Variants in RIN3 observed in about 807,000 individuals in gnomAD.
RIN3 encodes Ras and Rab interactor 3.
RIN3 carries 54 observed loss-of-function variants against 76.3 expected under a neutral mutation model. That is an observed-to-expected ratio of 0.71 (90% CI 0.57 to 0.89). The LOEUF (loss-of-function observed/expected upper bound fraction) is 0.89. Among genes scored for constraint, RIN3 ranks in the 40% least tolerant of loss-of-function variants. The pLI, the probability that RIN3 is intolerant of heterozygous loss-of-function variation, is 0.00. For missense variants in RIN3, 1,256 were observed against 1,322.1 expected, an observed-to-expected ratio of 0.95 and a Z score of 0.78; for synonymous variants, 576 against 564.0, an observed-to-expected ratio of 1.02 and a Z score of -0.30.
chr14:92,683,699 G>C (rs1888745627), intron 8 of RIN3, among the ~76,000 whole-genome samples: 1 of 152,142 alleles, frequency 6.6e-6, no homozygotes, highest in South Asian at 2.1e-4. Context: ...TTGAGCCCAG[G>C]AGTTGGAGGC....
intron 1 of RIN3, among the ~76,000 whole-genome samples, chr14:92,529,765 C>T (rs1896835687): frequency 6.6e-6 from 1 of 152,060 alleles, no homozygotes; most frequent in Non-Finnish European, 1.5e-5. Flanking sequence ...GGATCCGAAG[C>T]GTAGTGTTCG....
intron 1 of RIN3, among the ~76,000 whole-genome samples, chr14:92,524,304 GTCTTGGGGTC>G (rs1338234022): frequency 3.3e-5 from 5 of 152,208 alleles, no homozygotes; most frequent in Non-Finnish European, 7.3e-5. Flanking sequence ...CGTTGAAACA[GTCTTGGGGTC>G]TCTTGGGCCG....
intron 1 of RIN3, among the ~76,000 whole-genome samples, chr14:92,535,777 C>A (rs966011567): frequency 2.7e-5 from 4 of 149,910 alleles, no homozygotes; most frequent in Non-Finnish European, 4.4e-5. Flanking sequence ...CGGGTTCAAG[C>A]GATTCTCCTG....
chr14:92,604,457 G>T (rs1023877148), intron 3 of RIN3, among the ~76,000 whole-genome samples: 3 of 152,136 alleles, frequency 2.0e-5, no homozygotes, highest in African/African-American at 7.2e-5. Flanking sequence ...TAAGGACCTG[G>T]GGTGAAAGCT....
At chr14:92,546,170 C>A (rs1474377313) in intron 1 of RIN3, among the ~76,000 whole-genome samples, 1 of 152,124 alleles carries the variant, frequency 6.6e-6, no homozygotes, top group Non-Finnish European at 1.5e-5. Flanking sequence ...AATGATCCAC[C>A]TACCTCGGCT....
chr14:92,539,887 TG>T (rs1897093416), intron 1 of RIN3, among the ~76,000 whole-genome samples: 1 of 152,100 alleles, frequency 6.6e-6, no homozygotes, highest in African/African-American at 2.4e-5. Context: ...CCACAGTGGC[TG>T]AGCGGGGGCC....
chr14:92,542,371 C>T (rs904544022), intron 1 of RIN3, among the ~76,000 whole-genome samples: 5 of 152,040 alleles, frequency 3.3e-5, no homozygotes, highest in African/African-American at 7.2e-5. Flanking sequence ...TGAGAAACTA[C>T]TTCACAACCA....
chr14:92,624,875 G>A (rs1886296576), intron 4 of RIN3, among the ~76,000 whole-genome samples: 2 of 152,308 alleles, frequency 1.3e-5, no homozygotes, highest in South Asian at 2.1e-4. Flanking sequence ...CGGGTGTGAT[G>A]GGTCCATCCT....
Position 92,540,768 on chromosome 14 carries a change from G to A in RIN3, c.45-14983G>A, listed in dbSNP as rs113755123. ...CAGGCTGTTCACTGGGGCAGGGCCA[G>A]CCTGGCTTGGAAGAGAAGCCTTCAG... On this transcript the variant is annotated intron_variant, in intron 1 of 9. Coordinates refer to ENST00000216487, the MANE Select transcript of RIN3 (RefSeq NM_024832.5). 8.2e-3 allele frequency among the ~76,000 whole-genome samples: 1,248 copies of A among 152,350 alleles called. 15 individuals carry two copies. Among genetic ancestry groups the A allele is most frequent in the African/African-American group, 0.028 (1,158 of 41,566 alleles).
chr14:92,626,531 T>C (rs1296072258), intron 4 of RIN3, among the ~76,000 whole-genome samples: 1 of 152,196 alleles, frequency 6.6e-6, no homozygotes, highest in Non-Finnish European at 1.5e-5. Context: ...TTGGAGCTGA[T>C]TCCTTAGAGG....
intron 3 of RIN3, among the ~76,000 whole-genome samples, chr14:92,614,799 T>TTATATA (rs144127255): frequency 2.2e-4 from 23 of 103,402 alleles, no homozygotes; most frequent in Middle Eastern, 4.3e-3. Context: ...TTAAACCTCT[T>TTATATA]TATATATATA....
At chr14:92,588,214 CTTTTTTTTTT>C (rs141155255) in intron 3 of RIN3, among the ~76,000 whole-genome samples, 1 of 58,760 alleles carries the variant, frequency 1.7e-5, no homozygotes, top group African/African-American at 7.0e-5. Context: ...CCATAGCACT[CTTTTTTTTTT>C]TTTTTTTTTT....
chr14:92,572,152 T>G (rs1325055903), intron 2 of RIN3, among the ~76,000 whole-genome samples: 1 of 152,178 alleles, frequency 6.6e-6, no homozygotes, highest in Non-Finnish European at 1.5e-5. Flanking sequence ...GCTTCCAGGG[T>G]CTTGTGTCCG....
rs57655977 is a variant in RIN3 at position 92,582,128 on chromosome 14, G to T, written c.367+4651G>T. ...GAGGCACAGATGGGCCTAGGAGAAG[G>T]TTCAGGAGCCTGACTAAAGTTTGGT... On this transcript the variant is annotated intron_variant, in intron 3 of 9. Transcript: ENST00000216487. 2.7e-4 allele frequency among the ~76,000 whole-genome samples: 41 copies of T among 152,284 alleles called. No individual in the cohort carries two copies. The East Asian group carries it at 7.7e-3, about 29-fold the overall frequency.
Position 92,514,074 on chromosome 14 carries a change from C to A in RIN3, c.44+98C>A. 1 of 886,416 alleles carries A rather than the reference C, an allele frequency of 1.1e-6. No homozygotes were observed. The highest frequency in any genetic ancestry group is 3.4e-5 in the East Asian group (1 of 29,812). The allele number at this position is 886,416 out of a possible 1,614,324, so 54.9% of individuals were successfully genotyped here. ...CTTGTCCCAGAGAGTCCTTCGGGCG[C>A]GTGACCTCGGGGTTGTCGGGCTGAT... On this transcript the variant is annotated intron_variant, in intron 1 of 9. Coordinates refer to ENST00000216487, the MANE Select transcript of RIN3 (RefSeq NM_024832.5). This position sits in a 1 kb window ranked among gnomAD's most constrained non-coding sequence, Gnocchi z 7.2.
chr14:92,539,486 C>T (rs1354288882), intron 1 of RIN3, among the ~76,000 whole-genome samples: 2 of 152,160 alleles, frequency 1.3e-5, no homozygotes, highest in Non-Finnish European at 2.9e-5. Flanking sequence ...GGATTCTAAC[C>T]CAGGCTGCCT....
chr14:92,626,630 G>T (rs1213510436), intron 4 of RIN3, among the ~76,000 whole-genome samples: 1 of 152,148 alleles, frequency 6.6e-6, no homozygotes, highest in African/African-American at 2.4e-5. Flanking sequence ...CAGACTCATG[G>T]GGTGGTGGTA....
chr14:92,684,760 A>C lies in RIN3; in HGVS notation c.2468-227A>C, dbSNP rs144503177. Among the ~76,000 whole-genome samples the C allele has an allele frequency of 3.6e-3, 549 of 152,266 alleles. 13 individuals carry two copies. The South Asian group carries it at 0.059, about 16-fold the overall frequency. ...TTCGTCCCCAAGGGGAGCCAGTGAA[A>C]AGTTTTGAGCAGGGCCCAGACAGCT... On this transcript the variant is annotated intron_variant, in intron 8 of 9. Transcript: ENST00000216487.
chr14:92,663,849 A>G (rs1887972815), intron 7 of RIN3, among the ~76,000 whole-genome samples: 1 of 152,310 alleles, frequency 6.6e-6, no homozygotes, highest in African/African-American at 2.4e-5. Flanking sequence ...AATGAGGGTG[A>G]TACACTTGTC....
Sources: allele counts gnomAD v4.1 joint callset (sites outside exome capture counted in the v4.1 genomes callset), GRCh38; gene constraint gnomAD v4.1.1; non-coding constraint Gnocchi (gnomAD v3.1); transcripts MANE v1.5; gene names NCBI Gene and HGNC (gene_info 2026-07-23, HGNC 2026-07-21).